Variants in NPAS3 observed in about 807,000 individuals in gnomAD.
NPAS3 encodes the protein neuronal PAS domain protein 3, also known as neuronal PAS domain-containing protein 3.
In NPAS3, 14 loss-of-function variants were observed where a neutral mutation model predicts 73.1. That is an observed-to-expected ratio of 0.19 (90% CI 0.13 to 0.30). NPAS3 has a LOEUF of 0.30. NPAS3 is among the 10% of genes least tolerant of loss of function. NPAS3 has a pLI of 1.00. For missense variants in NPAS3, 1,096 were observed against 1,250.0 expected (o/e 0.88, Z 1.86); for synonymous variants, 620 against 541.5 (o/e 1.14, Z -2.01).
At chr14:33,015,515 T>C (rs1197507301) in intron 1 of NPAS3, among the ~76,000 whole-genome samples, 2 of 152,170 alleles carry the variant, frequency 1.3e-5, no homozygotes, top group African/African-American at 4.8e-5. Flanking sequence ...AAAACTAAAT[T>C]ACAGCATAAG....
intron 4 of NPAS3, among the ~76,000 whole-genome samples, chr14:33,481,736 C>T (rs569596885): frequency 6.6e-5 from 10 of 151,520 alleles, no homozygotes; most frequent in South Asian, 6.3e-4. Flanking sequence ...CATTCAGAAA[C>T]GCATAAAAGA....
intron 7 of NPAS3, among the ~76,000 whole-genome samples, chr14:33,772,649 C>G (rs558528261): frequency 6.6e-6 from 1 of 152,274 alleles, no homozygotes; most frequent in South Asian, 2.1e-4. Context: ...GTAAGCCTAG[C>G]TGGGAGGAGG....
Position 33,563,075 on chromosome 14 carries a change from C to T in NPAS3, c.558+2865C>T, listed in dbSNP as rs1480130286. On this transcript the variant is annotated intron_variant, in intron 5 of 11. Coordinates refer to ENST00000356141, the Ensembl canonical transcript of NPAS3. ...TGTTAAATAAAGACAATGTGTAACT[C>T]TGTCATCAAAGACTTGTCCAGTGAA... Among the ~76,000 whole-genome samples the T allele has an allele frequency of 2.0e-5, 3 of 152,146 alleles. No homozygotes were observed. In the East Asian group the frequency reaches 5.8e-4, roughly 29 times the overall value.
chr14:33,744,568 G>A (rs189551521), intron 7 of NPAS3, among the ~76,000 whole-genome samples: 53 of 152,100 alleles, frequency 3.5e-4, no homozygotes, highest in African/African-American at 1.1e-3. Context: ...TGGGAGGATC[G>A]CTTGAGCTCA....
chr14:33,240,450 A>G (rs1444049514), intron 3 of NPAS3, among the ~76,000 whole-genome samples: 2 of 151,852 alleles, frequency 1.3e-5, no homozygotes, highest in Admixed American at 1.3e-4. Context: ...CTCTTTGTCT[A>G]ATTTCATTAC....
intron 6 of NPAS3, among the ~76,000 whole-genome samples, chr14:33,699,266 AAACC>A (rs1363652865): frequency 6.6e-6 from 1 of 152,258 alleles, no homozygotes; most frequent in Non-Finnish European, 1.5e-5. Context: ...TCATTAATTA[AAACC>A]AACCAATTAA....
At chr14:33,480,155 G>T (rs1312773291) in intron 4 of NPAS3, among the ~76,000 whole-genome samples, 1 of 152,106 alleles carries the variant, frequency 6.6e-6, no homozygotes, top group Admixed American at 6.5e-5. Flanking sequence ...GAGAGATGTC[G>T]CTGGGATAGA....
At chr14:33,022,467 A>G (rs956816679) in intron 1 of NPAS3, among the ~76,000 whole-genome samples, 4 of 152,098 alleles carry the variant, frequency 2.6e-5, no homozygotes, top group Non-Finnish European at 5.9e-5. Context: ...GATCGAGACC[A>G]TCCTGGCTAA....
intron 3 of NPAS3, among the ~76,000 whole-genome samples, chr14:33,316,622 G>A (rs887908050): frequency 2.0e-5 from 3 of 152,060 alleles, no homozygotes; most frequent in Non-Finnish European, 4.4e-5. Flanking sequence ...ACAAGCCCTT[G>A]TTATATTCTT....
At chr14:33,221,627 AAGG>A (rs1264722851) in intron 3 of NPAS3, among the ~76,000 whole-genome samples, 1 of 152,128 alleles carries the variant, frequency 6.6e-6, no homozygotes, top group Non-Finnish European at 1.5e-5. Flanking sequence ...TTTTTTTTAA[AAGG>A]AGAAGTAGAA....
chr14:33,395,616 A>C (rs2047188801), intron 4 of NPAS3, among the ~76,000 whole-genome samples: 1 of 152,186 alleles, frequency 6.6e-6, no homozygotes, highest in Non-Finnish European at 1.5e-5. Flanking sequence ...TAGATAATTC[A>C]TGTTTATATT....
intron 4 of NPAS3, among the ~76,000 whole-genome samples, chr14:33,527,780 C>T (rs920789501): frequency 1.3e-5 from 2 of 152,100 alleles, no homozygotes; most frequent in Non-Finnish European, 2.9e-5. Flanking sequence ...ATCCTGTTTC[C>T]TAGTGGGCAA....
rs1207673639 is a variant in NPAS3 at position 33,448,126 on chromosome 14, T to C, written c.468+80858T>C. Among the ~76,000 whole-genome samples, 5 of 152,090 alleles carry C rather than the reference T, an allele frequency of 3.3e-5. No individual in the cohort carries two copies. The East Asian group carries it at 9.6e-4, about 29-fold the overall frequency. ...TTAATTCGATTGGACAGATAAAAAATTTGAAGTGCTTTTAAGACATATGTT... is the reference window on the plus strand; with the variant it reads ...TTAATTCGATTGGACAGATAAAAAACTTGAAGTGCTTTTAAGACATATGTT... On this transcript the variant is annotated intron_variant, in intron 4 of 11. Coordinates refer to ENST00000356141, the Ensembl canonical transcript of NPAS3.
rs572680057 is a variant in NPAS3, at chr14:33,714,088, A to G, written c.734-21126A>G. ...TCTGGCCACGTTATTTAAAATTACA[A>G]CTCTCACCTGCACATTGTGCACATG... On this transcript the variant is annotated intron_variant, in intron 6 of 11. Coordinates refer to ENST00000356141, the Ensembl canonical transcript of NPAS3. 2.6e-5 allele frequency among the ~76,000 whole-genome samples: 4 copies of G among 152,052 alleles called. No individual in the cohort carries two copies. The South Asian group carries it at 8.3e-4, about 32-fold the overall frequency.
chr14:33,744,452 T>A (rs1274490219), intron 7 of NPAS3, among the ~76,000 whole-genome samples: 3 of 152,066 alleles, frequency 2.0e-5, no homozygotes, highest in Non-Finnish European at 4.4e-5. Context: ...AACAGTAATA[T>A]CAAAGATCGC....
chr14:33,757,023 G>A (rs1385362921), intron 7 of NPAS3, among the ~76,000 whole-genome samples: 1 of 152,212 alleles, frequency 6.6e-6, no homozygotes, highest in Non-Finnish European at 1.5e-5. Flanking sequence ...GGAATTCTTG[G>A]TCTGAAAGGT....
At chr14:33,442,711 C>G (rs2049310287) in intron 4 of NPAS3, among the ~76,000 whole-genome samples, 1 of 152,202 alleles carries the variant, frequency 6.6e-6, no homozygotes, top group Non-Finnish European at 1.5e-5. Context: ...CCTCCCCAGC[C>G]ATACTGAACT....
intron 7 of NPAS3, among the ~76,000 whole-genome samples, chr14:33,765,697 T>C (rs1227600598): frequency 2.0e-5 from 3 of 152,226 alleles, no homozygotes; most frequent in Non-Finnish European, 2.9e-5. Context: ...ATGTTCATCT[T>C]TCTTTGCTCA....
intron 1 of NPAS3, among the ~76,000 whole-genome samples, chr14:33,005,978 CT>C (rs1182082671): frequency 6.6e-6 from 1 of 152,164 alleles, no homozygotes; most frequent in Non-Finnish European, 1.5e-5. Flanking sequence ...ATGTAACTCC[CT>C]CCCCATGAGC....
Sources: allele counts gnomAD v4.1 joint callset (sites outside exome capture counted in the v4.1 genomes callset), GRCh38; gene constraint gnomAD v4.1.1; transcripts MANE v1.5; gene names NCBI Gene and HGNC (gene_info 2026-07-23, HGNC 2026-07-21).